The following DIAPH2 variants were observed in gnomAD, a reference collection of about 807,000 sequenced individuals.
DIAPH2 encodes protein diaphanous homolog 2.
Under a neutral mutation model 92.7 loss-of-function variants are expected in DIAPH2, and 35 were observed. The observed-to-expected ratio is 0.38, with a 90% CI of 0.29 to 0.50. DIAPH2 has a LOEUF of 0.50. Ranked by LOEUF, DIAPH2 falls within the 20% of genes least tolerant of loss-of-function variation. The pLI is 0.94. For synonymous variants in DIAPH2, 301 were observed against 280.4 expected (o/e 1.07, Z -0.73); for missense variants, 701 against 819.5 (o/e 0.86, Z 1.77).
intron 25 of DIAPH2, among the ~76,000 whole-genome samples, chrX:97,407,409 C>G (rs779691638): frequency 5.0e-4 from 55 of 110,984 alleles, no homozygotes; most frequent in Non-Finnish European, 8.7e-4. Context: ...AAAAAAAAAA[C>G]TACACAATTT....
At chrX:97,440,379 G>T (rs2070241388) in intron 26 of DIAPH2, among the ~76,000 whole-genome samples, 1 of 110,597 alleles carries the variant, frequency 9.0e-6, no homozygotes, top group South Asian at 3.8e-4. Context: ...ATCACCTGAG[G>T]TCAGGAGTTC....
At chrX:96,856,678 A>G (rs959972636) in intron 4 of DIAPH2, among the ~76,000 whole-genome samples, 53 of 110,422 alleles carry the variant, frequency 4.8e-4, no homozygotes, top group Non-Finnish European at 8.3e-4. Context: ...TCTTTCAGCA[A>G]GTGTTTATTG....
intron 24 of DIAPH2, among the ~76,000 whole-genome samples, chrX:97,366,688 C>G (rs2069384431): frequency 9.0e-6 from 1 of 111,467 alleles, no homozygotes; most frequent in African/African-American, 3.3e-5. Context: ...TTCAAACATA[C>G]CTTCAAACAT....
At chrX:97,437,796 G>A (rs1033268155) in intron 26 of DIAPH2, among the ~76,000 whole-genome samples, 1 of 94,430 alleles carries the variant, frequency 1.1e-5, no homozygotes, top group Non-Finnish European at 2.2e-5. Context: ...ACACACACAC[G>A]TAAATGAGTT....
At chrX:97,077,923 A>T (rs2066716050) in intron 19 of DIAPH2, among the ~76,000 whole-genome samples, 1 of 111,779 alleles carries the variant, frequency 8.9e-6, no homozygotes. Context: ...TGTAATTATG[A>T]GTTACTGTCA....
chrX:97,219,669 C>T (rs1000463283), intron 22 of DIAPH2, among the ~76,000 whole-genome samples: 2 of 111,711 alleles, frequency 1.8e-5, no homozygotes, highest in African/African-American at 6.5e-5. Flanking sequence ...ACTAGCTTCA[C>T]ATGTTCCTTT....
At chrX:97,100,443 A>G (rs2066898795) in intron 20 of DIAPH2, among the ~76,000 whole-genome samples, 1 of 111,847 alleles carries the variant, frequency 8.9e-6, no homozygotes, top group African/African-American at 3.2e-5. Flanking sequence ...TGAATTCAAG[A>G]TTATAGTTAT....
chrX:97,321,536 GTGT>G (rs910278264), intron 23 of DIAPH2, among the ~76,000 whole-genome samples: 8 of 92,157 alleles, frequency 8.7e-5, no homozygotes, highest in Non-Finnish European at 1.5e-4. Context: ...TTTTGTTGTT[GTGT>G]TGTTATTTTT....
intron 23 of DIAPH2, among the ~76,000 whole-genome samples, chrX:97,270,360 G>T (rs770555685): frequency 8.9e-6 from 1 of 112,245 alleles, no homozygotes. Context: ...CACCATGCTC[G>T]GCCTTGAAGG....
At position 97,538,131 on chromosome X, in the gene DIAPH2, G is replaced by A. The variant is rs768863777; in HGVS notation, c.3242-61122G>A. 5.4e-5 allele frequency among the ~76,000 whole-genome samples: 6 copies of A among 110,496 alleles called. No homozygotes were observed. The South Asian group carries it at 2.0e-3, about 36-fold the overall frequency. ...GATCTCCTGACCTCGTGATCTGCCC[G>A]CCTCGGCCTCCCAAAGTGCTGGGAT... On this transcript the variant is annotated intron_variant, in intron 26 of 26. Transcript: ENST00000324765.
intron 17 of DIAPH2, among the ~76,000 whole-genome samples, chrX:96,985,568 T>C (rs2066025843): frequency 9.0e-6 from 1 of 110,911 alleles, no homozygotes. Flanking sequence ...TCAGAATTCC[T>C]TTATAAGCAA....
At chrX:96,851,382 C>T (rs2065005376) in intron 4 of DIAPH2, among the ~76,000 whole-genome samples, 1 of 111,973 alleles carries the variant, frequency 8.9e-6, no homozygotes, top group Non-Finnish European at 1.9e-5. Context: ...GGATTACAGG[C>T]GTGAGCCACC....
At chrX:96,971,813 G>A (rs1002346580) in intron 17 of DIAPH2, among the ~76,000 whole-genome samples, 1 of 111,398 alleles carries the variant, frequency 9.0e-6, no homozygotes, top group Non-Finnish European at 1.9e-5. Flanking sequence ...ACATATACAG[G>A]ATCAATTATG....
intron 22 of DIAPH2, among the ~76,000 whole-genome samples, chrX:97,170,634 A>G (rs2067445330): frequency 1.8e-5 from 2 of 111,435 alleles, no homozygotes; most frequent in African/African-American, 3.3e-5. Context: ...AATTTTCAAC[A>G]TGTTCTTTAA....
intron 25 of DIAPH2, among the ~76,000 whole-genome samples, chrX:97,385,352 C>A (rs142347716): frequency 9.1e-6 from 1 of 110,286 alleles, no homozygotes; most frequent in Non-Finnish European, 1.9e-5. Flanking sequence ...CCTGCCTCAG[C>A]CTCCCGAGTA....
At chrX:97,161,457 A>G (rs1356142768) in intron 22 of DIAPH2, among the ~76,000 whole-genome samples, 1 of 109,633 alleles carries the variant, frequency 9.1e-6, no homozygotes, top group African/African-American at 3.3e-5. Context: ...CTGGAGTGCA[A>G]TGGCACGATA....
intron 24 of DIAPH2, among the ~76,000 whole-genome samples, chrX:97,381,576 T>C (rs1336451313): frequency 9.0e-6 from 1 of 111,729 alleles, no homozygotes; most frequent in African/African-American, 3.2e-5. Flanking sequence ...AATGTAAATT[T>C]AACTGAGAAG....
At chrX:96,935,608 A>G (rs180735048) in intron 10 of DIAPH2, among the ~76,000 whole-genome samples, 7 of 111,441 alleles carry the variant, frequency 6.3e-5, no homozygotes, top group Non-Finnish European at 1.1e-4. Context: ...AAGAATATTT[A>G]TAAAATACTG....
At chrX:97,169,094 A>T (rs1339932401) in intron 22 of DIAPH2, among the ~76,000 whole-genome samples, 1 of 106,986 alleles carries the variant, frequency 9.3e-6, no homozygotes, top group African/African-American at 3.4e-5. Context: ...TGTATGAAGG[A>T]TAGTGATAAA....
Sources: gnomAD v4.1 joint callset for allele counts (sites outside exome capture counted in the v4.1 genomes callset) on GRCh38, gnomAD v4.1.1 for gene constraint, MANE v1.5 for transcripts, NCBI Gene and HGNC (gene_info 2026-07-23, HGNC 2026-07-21) for gene names.